The following ZBTB46 variants were observed in gnomAD, a reference collection of about 807,000 sequenced individuals.
The protein encoded by ZBTB46 is zinc finger and BTB domain containing 46, also known as zinc finger and BTB domain-containing protein 46.
In ZBTB46, 8 loss-of-function variants were observed where a neutral mutation model predicts 44.1. The observed-to-expected ratio is 0.18, with a 90% CI of 0.11 to 0.33. The LOEUF is 0.33. Ranked by LOEUF, ZBTB46 falls within the 10% of genes least tolerant of loss-of-function variation. The probability of loss-of-function intolerance (pLI) is 1.00; values close to 1 mark genes in which losing one functional copy is unlikely to be tolerated. For synonymous variants in ZBTB46, 409 were observed against 382.3 expected (o/e 1.07, Z -0.81); for missense variants, 651 against 847.7 (o/e 0.77, Z 2.88).
At chr20:63,750,674 G>A (rs1248528950) in intron 4 of ZBTB46, among the ~76,000 whole-genome samples, 10 of 152,090 alleles carry the variant, frequency 6.6e-5, no homozygotes, top group Non-Finnish European at 7.3e-5. Context: ...GGAAGCAGAG[G>A]CAAGTGGCTC....
At chr20:63,777,066 CACACGCCACGG>C (rs2092431907) in intron 2 of ZBTB46, among the ~76,000 whole-genome samples, 1 of 39,938 alleles carries the variant, frequency 2.5e-5, no homozygotes, top group Admixed American at 2.9e-4. Context: ...ACGGTTCCAG[CACACGCCACGG>C]TTCCACCACA....
At chr20:63,832,276 C>T (rs2092856008), upstream of ZBTB46, among the ~76,000 whole-genome samples, 1 of 152,174 alleles carries the variant, frequency 6.6e-6, no homozygotes, top group South Asian at 2.1e-4. This position sits in a 1 kb window ranked among gnomAD's most constrained non-coding sequence, Gnocchi z 5.0. Context: ...CCCCGCATTC[C>T]TGGCCGGCCT....
At chr20:63,812,686 G>A (rs2092724424) in intron 1 of ZBTB46, among the ~76,000 whole-genome samples, 1 of 152,176 alleles carries the variant, frequency 6.6e-6, no homozygotes, top group Non-Finnish European at 1.5e-5. Context: ...GGCTGAGGCG[G>A]GAGAATCACT....
intron 1 of ZBTB46, among the ~76,000 whole-genome samples, chr20:63,826,650 G>A (rs1212585804): frequency 2.0e-5 from 3 of 152,076 alleles, no homozygotes; most frequent in African/African-American, 4.8e-5. Flanking sequence ...GGGTGAACCC[G>A]GAAGGTGGAG....
At chr20:63,810,229 G>A (rs2146027793) in intron 1 of ZBTB46, among the ~76,000 whole-genome samples, 1 of 152,182 alleles carries the variant, frequency 6.6e-6, no homozygotes, top group East Asian at 1.9e-4. Flanking sequence ...AACAGAAAAA[G>A]ACCCAAACAC....
At chr20:63,762,317 A>C (rs6011092) in intron 3 of ZBTB46, among the ~76,000 whole-genome samples, 27 of 152,258 alleles carry the variant, frequency 1.8e-4, no homozygotes, top group African/African-American at 6.3e-4. Flanking sequence ...TTGTGAAGTT[A>C]TCTCTTTTTT....
chr20:63,808,448 G>A (rs1328864632), intron 1 of ZBTB46, among the ~76,000 whole-genome samples: 1 of 152,162 alleles, frequency 6.6e-6, no homozygotes, highest in African/African-American at 2.4e-5. Context: ...GGGTCATCCG[G>A]ACCCACAAGG....
chr20:63,779,940 G>A (rs1390396701), intron 2 of ZBTB46, among the ~76,000 whole-genome samples: 20 of 152,094 alleles, frequency 1.3e-4, no homozygotes, highest in Non-Finnish European at 2.9e-4. Flanking sequence ...AAAGAAATCA[G>A]GATAAGCTGA....
At chr20:63,781,566 G>A (rs1051250877) in intron 2 of ZBTB46, among the ~76,000 whole-genome samples, 11 of 152,160 alleles carry the variant, frequency 7.2e-5, no homozygotes, top group South Asian at 2.1e-4. Context: ...CGAGGCAGGC[G>A]GATCACCTGA....
intron 3 of ZBTB46, among the ~76,000 whole-genome samples, chr20:63,753,480 G>C (rs1290394203): frequency 3.3e-5 from 5 of 152,194 alleles, no homozygotes; most frequent in Non-Finnish European, 1.5e-5. Context: ...CATCTCCATG[G>C]TGCGTGCCCT....
In ZBTB46 at chr20:63,760,101, G is replaced by A. The variant is rs138484219; in HGVS notation, c.1223-7240C>T. 1.1e-3 allele frequency among the ~76,000 whole-genome samples: 174 copies of A among 152,284 alleles called. 1 individual carries two copies. Among genetic ancestry groups the A allele is most frequent in the Non-Finnish European group, 1.5e-3 (101 of 68,030 alleles). On this transcript the variant is annotated intron_variant, in intron 3 of 4. Coordinates refer to ENST00000245663, the MANE Select transcript of ZBTB46 (RefSeq NM_001369741.1). Reference sequence around the variant, plus strand: ...ATAATTTCCTTTCTTGAAATGCCACGTCAGGCTCTGGGATCAAGACCATGC... The same window carrying A: ...ATAATTTCCTTTCTTGAAATGCCACATCAGGCTCTGGGATCAAGACCATGC...
chr20:63,751,115 T>C (rs561651864), intron 4 of ZBTB46, among the ~76,000 whole-genome samples: 62 of 152,108 alleles, frequency 4.1e-4, no homozygotes, highest in African/African-American at 1.5e-3. Flanking sequence ...GTCGGCCTGG[T>C]GCAGCTACCC....
At chr20:63,801,586 C>T (rs2092645717) in intron 1 of ZBTB46, among the ~76,000 whole-genome samples, 1 of 152,188 alleles carries the variant, frequency 6.6e-6, no homozygotes, top group African/African-American at 2.4e-5. Flanking sequence ...CTGCTGCTCA[C>T]TCTTTGGGTC....
intron 1 of ZBTB46, among the ~76,000 whole-genome samples, chr20:63,813,592 T>C (rs1227531932): frequency 6.6e-6 from 1 of 152,220 alleles, no homozygotes; most frequent in East Asian, 1.9e-4. Flanking sequence ...CTGGTTCTAC[T>C]GACGGCTCAG....
chr20:63,812,164 T>G (rs1434956021), intron 1 of ZBTB46, among the ~76,000 whole-genome samples: 1 of 152,228 alleles, frequency 6.6e-6, no homozygotes, highest in African/African-American at 2.4e-5. Context: ...ACATTTGCAT[T>G]TTTAGTAAAA....
At position 63,752,084 on chromosome 20, in the gene ZBTB46, C is replaced by T. The variant is rs1390558954; in HGVS notation, c.1398+602G>A. On this transcript the variant is annotated intron_variant, in intron 4 of 4. Transcript: ENST00000245663. The surrounding 1 kb of genome is among the most constrained non-coding windows in gnomAD (Gnocchi z 5.6). Reference sequence around the variant, plus strand: ...TCGGGGTGGGCGTTCCAGGACTCCCCGAACCCTTGGGGCCGCCCCGCTCTG... The same window carrying T: ...TCGGGGTGGGCGTTCCAGGACTCCCTGAACCCTTGGGGCCGCCCCGCTCTG... 2.0e-5 allele frequency among the ~76,000 whole-genome samples: 3 copies of T among 152,056 alleles called. No individual in the cohort carries two copies. The highest frequency in any genetic ancestry group is 4.8e-5 in the African/African-American group (2 of 41,422).
At chr20:63,749,090 A>C (rs1332051688) in intron 4 of ZBTB46, among the ~76,000 whole-genome samples, 1 of 152,218 alleles carries the variant, frequency 6.6e-6, no homozygotes, top group Non-Finnish European at 1.5e-5. Flanking sequence ...CTTCTTCCAC[A>C]AAGCCGGGAA....
chr20:63,795,965 G>A (rs980127960), intron 1 of ZBTB46, among the ~76,000 whole-genome samples: 3 of 152,168 alleles, frequency 2.0e-5, no homozygotes, highest in Non-Finnish European at 4.4e-5. Context: ...AAACAGGCGC[G>A]CTGCTGTTGA....
chr20:63,809,601 A>T (rs142572848), intron 1 of ZBTB46, among the ~76,000 whole-genome samples: 27 of 152,324 alleles, frequency 1.8e-4, no homozygotes, highest in African/African-American at 6.3e-4. Context: ...GTGTGGCTTA[A>T]CTCAATGATA....
Sources: allele counts gnomAD v4.1 joint callset (sites outside exome capture counted in the v4.1 genomes callset), GRCh38; gene constraint gnomAD v4.1.1; non-coding constraint Gnocchi (gnomAD v3.1); transcripts MANE v1.5; gene names NCBI Gene and HGNC (gene_info 2026-07-23, HGNC 2026-07-21).